The following KTN1 variants were observed in gnomAD, a reference collection of about 807,000 sequenced individuals.
The protein encoded by KTN1 is kinectin 1, also known as kinectin.
In KTN1, 130 loss-of-function variants were observed where a neutral mutation model predicts 222.5. That is an observed-to-expected ratio of 0.58 (90% CI 0.51 to 0.68). KTN1 has a LOEUF of 0.68. KTN1 is among the 30% of genes least tolerant of loss of function. The probability of loss-of-function intolerance (pLI) is 0.00; values close to 1 mark genes in which losing one functional copy is unlikely to be tolerated. For missense variants in KTN1, 1,508 were observed against 1,500.4 expected (o/e 1.01, Z -0.08); for synonymous variants, 512 against 496.3 (o/e 1.03, Z -0.42).
chr14:55,649,023 T>G (rs920246331), intron 21 of KTN1, among the ~76,000 whole-genome samples, 153 bp downstream of exon 21: 1 of 152,170 alleles, frequency 6.6e-6, no homozygotes, highest in Non-Finnish European at 1.5e-5. Flanking sequence ...ACTCCTGGGC[T>G]CAACCGATAA....
chr14:55,679,469 T>C, intron 42 of KTN1, 96 bp from the exon 43 acceptor site: 2 of 973,876 alleles, frequency 2.1e-6, no homozygotes, highest in South Asian at 3.5e-5. Context: ...TTTTAATGTT[T>C]GTGTTTAAAT....
At chr14:55,581,528 G>T (rs1313976313) in intron 1 of KTN1, among the ~76,000 whole-genome samples, 1 of 151,570 alleles carries the variant, frequency 6.6e-6, no homozygotes, top group African/African-American at 2.4e-5. Context: ...AACTGTTAAG[G>T]TGTGTGTGTG....
At chr14:55,647,822 T>C (rs1209168445) in intron 19 of KTN1, among the ~76,000 whole-genome samples, 2 of 150,970 alleles carry the variant, frequency 1.3e-5, no homozygotes, top group Non-Finnish European at 2.9e-5. Context: ...CGGGCGCCTG[T>C]AGTCCCAGCT....
At chr14:55,607,523 G>C (rs995862323) in intron 1 of KTN1, 1 of 152,142 alleles carries the variant, frequency 6.6e-6, no homozygotes, top group African/African-American at 2.4e-5. Context: ...TTTCTTGAAA[G>C]ATTTATGTCC....
At chr14:55,610,745 A>T (rs1404239990) in intron 1 of KTN1, among the ~76,000 whole-genome samples, 1 of 152,248 alleles carries the variant, frequency 6.6e-6, no homozygotes, top group East Asian at 1.9e-4. Context: ...TATGTGGCTT[A>T]TGCATGTTTG....
intron 32 of KTN1, chr14:55,662,904 G>A (rs2044304720): frequency 2.2e-6 from 1 of 455,948 alleles, no homozygotes; most frequent in South Asian, 1.5e-5. Flanking sequence ...TCTGAGATAA[G>A]GAGGGCATGG....
At chr14:55,664,846 A>C (rs779976818) in intron 33 of KTN1, among the ~76,000 whole-genome samples, 5 of 152,094 alleles carry the variant, frequency 3.3e-5, no homozygotes, top group Non-Finnish European at 5.9e-5. Context: ...AGGGGTATTG[A>C]ATTTTGCAGA....
Position 55,640,409 on chromosome 14 carries a change from A to C in KTN1, c.1950A>C (p.Glu650Asp), listed in dbSNP as rs2041653063. The change falls in exon 15 of 44, where the codon GAA becomes GAC. Residue 650 changes from glutamate to aspartate, a missense_variant. By Grantham distance (45) the Glu-to-Asp change is conservative (BLOSUM62 2). Coordinates refer to ENST00000395314, the MANE Select transcript of KTN1 (RefSeq NM_001079521.2). Reference sequence around the variant, plus strand: ...ATATGAATTTCTTATTAAAAGCTGAAGTGCAGAAATTACAGGCCCTGGCAA... The same window carrying C: ...ATATGAATTTCTTATTAAAAGCTGACGTGCAGAAATTACAGGCCCTGGCAA... ...IQNMNFLLKA[E>D]VQKLQALANE... is the part of the protein sequence containing the mutation. 5 of 1,607,944 alleles carry C rather than the reference A, an allele frequency of 3.1e-6. No individual in the cohort carries two copies. Among genetic ancestry groups the C allele is most frequent in the African/African-American group, 1.3e-5 (1 of 74,700 alleles).
intron 34 of KTN1, among the ~76,000 whole-genome samples, chr14:55,669,530 A>G (rs917698122): frequency 1.2e-4 from 18 of 152,064 alleles, no homozygotes; most frequent in African/African-American, 4.1e-4. Flanking sequence ...GTAGATATAA[A>G]AATATATAAA....
intron 9 of KTN1, among the ~76,000 whole-genome samples, chr14:55,635,793 G>A (rs1198349529): frequency 6.6e-6 from 1 of 152,176 alleles, no homozygotes; most frequent in Non-Finnish European, 1.5e-5. Flanking sequence ...GTCATTGATA[G>A]AATTGTACTT....
intron 18 of KTN1, chr14:55,644,347 C>T (rs1258015231): frequency 1.9e-5 from 13 of 700,342 alleles, no homozygotes; most frequent in Non-Finnish European, 2.9e-5. Flanking sequence ...GATTTTTATT[C>T]TGGAGGAAAA....
chr14:55,619,859 A>G (rs577890239), intron 5 of KTN1, among the ~76,000 whole-genome samples: 1 of 152,102 alleles, frequency 6.6e-6, no homozygotes, highest in African/African-American at 2.4e-5. Flanking sequence ...ATGTCCTCAC[A>G]TTTCAAAACC....
intron 5 of KTN1, among the ~76,000 whole-genome samples, chr14:55,620,907 T>G (rs1402582180): frequency 6.6e-6 from 1 of 152,212 alleles, no homozygotes; most frequent in African/African-American, 2.4e-5. Flanking sequence ...AAGTGGGATT[T>G]TCTTTTCTAT....
intron 10 of KTN1, among the ~76,000 whole-genome samples, chr14:55,636,864 C>G (rs1169771197): frequency 2.6e-5 from 4 of 150,948 alleles, no homozygotes; most frequent in African/African-American, 4.9e-5. Context: ...AGAAAATACT[C>G]ACTTCTTATT....
chr14:55,672,736 G>C lies in KTN1; in HGVS notation c.3603+35G>C, dbSNP rs768037248. The C allele has an allele frequency of 1.1e-5, 15 of 1,419,068 alleles. No homozygotes were observed. In the South Asian group the frequency reaches 1.7e-4, roughly 17 times the overall value. 87.9% of individuals were successfully genotyped at this position (1,419,068 alleles called of 1,614,324 possible). On this transcript the variant is annotated intron_variant, in intron 38 of 43. Coordinates refer to ENST00000395314, the MANE Select transcript of KTN1 (RefSeq NM_001079521.2). The stretch of plus-strand genomic sequence containing the variant: ...TTGATTGTTTTACTTGTAACCTATG[G>C]ATTTGTTTTTAGCATTAACGGTTGT...
At chr14:55,608,619 G>C (rs1364378654) in intron 1 of KTN1, among the ~76,000 whole-genome samples, 1 of 150,124 alleles carries the variant, frequency 6.7e-6, no homozygotes, top group Non-Finnish European at 1.5e-5. Flanking sequence ...TAATATTGCT[G>C]TGAACTTTTT....
Position 55,664,030 on chromosome 14 carries a change from A to T in KTN1, c.3166A>T (p.Lys1056Ter). ...AAAAATGCTGCAGGACAAAGTGAAC[A>T]AGACTTCCAAGGTTGTAATGCTAAC... ...TEKMLQDKVN[K>*]TSKERQQQVE... Residue 1056 changes from lysine (K) to a stop codon, truncating the protein, a stop_gained, in exon 33 of 44, where the codon AAG (lysine) becomes TAG (stop). Transcript: ENST00000395314. LOFTEE classifies it high-confidence loss of function. 1 of 1,608,938 alleles carries T rather than the reference A, an allele frequency of 6.2e-7. No homozygotes were observed. Among genetic ancestry groups the T allele is most frequent in the Non-Finnish European group, 8.5e-7 (1 of 1,175,998 alleles).
chr14:55,666,478 G>T (rs867750472), intron 33 of KTN1, among the ~76,000 whole-genome samples: 1 of 151,508 alleles, frequency 6.6e-6, no homozygotes, highest in South Asian at 2.1e-4. Flanking sequence ...TTTGGTGCGT[G>T]ATAAGTCATT....
At chr14:55,676,743 C>T (rs1254777442) in intron 41 of KTN1, among the ~76,000 whole-genome samples, 3 of 152,056 alleles carry the variant, frequency 2.0e-5, no homozygotes, top group African/African-American at 4.8e-5. Context: ...AAAAATAATA[C>T]TCCTTTTAAA....
Sources: allele counts gnomAD v4.1 joint callset (sites outside exome capture counted in the v4.1 genomes callset), GRCh38; gene constraint gnomAD v4.1.1; transcripts MANE v1.5; gene names NCBI Gene and HGNC (gene_info 2026-07-23, HGNC 2026-07-21).